ABAT: variants seen among roughly 807,000 people sequenced by gnomAD.
The protein encoded by ABAT is 4-aminobutyrate aminotransferase, mitochondrial.
ABAT carries 45 observed loss-of-function variants against 64.6 expected under a neutral mutation model. The observed-to-expected ratio is 0.70, with a 90% CI of 0.55 to 0.89. The LOEUF (loss-of-function observed/expected upper bound fraction) is 0.89, where lower values mean the gene tolerates loss of function less well. Ranked by LOEUF, ABAT falls within the 40% of genes least tolerant of loss-of-function variation. The pLI, the probability that ABAT is intolerant of heterozygous loss-of-function variation, is 0.00. For missense variants in ABAT, 633 were observed against 658.4 expected, an observed-to-expected ratio of 0.96 and a Z score of 0.42; for synonymous variants, 297 against 250.5, an observed-to-expected ratio of 1.19 and a Z score of -1.75.
At chr16:8,763,478 G>A (rs1157836481) in intron 6 of ABAT, among the ~76,000 whole-genome samples, 1 of 152,198 alleles carries the variant, frequency 6.6e-6, no homozygotes, top group East Asian at 1.9e-4. Flanking sequence ...CTGCCCTTAG[G>A]GTGTCCTATA....
intron 14 of ABAT, among the ~76,000 whole-genome samples, chr16:8,778,733 T>C (rs1248195594): frequency 6.7e-6 from 1 of 150,234 alleles, no homozygotes; most frequent in Non-Finnish European, 1.5e-5. Context: ...GCCGAGATAG[T>C]GCCACTGCAC....
chr16:8,765,321 G>T (rs2059912412), intron 8 of ABAT, among the ~76,000 whole-genome samples: 1 of 148,368 alleles, frequency 6.7e-6, no homozygotes, highest in South Asian at 2.2e-4. Context: ...GGGTGACAGA[G>T]TAAGACCCTG....
chr16:8,685,979 A>G (rs2057446371), intron 1 of ABAT, among the ~76,000 whole-genome samples: 1 of 152,228 alleles, frequency 6.6e-6, no homozygotes, highest in Non-Finnish European at 1.5e-5. Flanking sequence ...CTTTGAGCTC[A>G]GATTTCCTTA....
At chr16:8,743,760 T>C (rs1181126757) in intron 2 of ABAT, among the ~76,000 whole-genome samples, 1 of 150,370 alleles carries the variant, frequency 6.7e-6, no homozygotes, top group Non-Finnish European at 1.5e-5. Flanking sequence ...AAGATGAAAT[T>C]AGATTATTTA....
At chr16:8,697,868 C>A (rs1367483957) in intron 1 of ABAT, among the ~76,000 whole-genome samples, 1 of 152,154 alleles carries the variant, frequency 6.6e-6, no homozygotes, top group Non-Finnish European at 1.5e-5. Context: ...AACTCCTGAC[C>A]TCAAGTGATC....
intron 1 of ABAT, among the ~76,000 whole-genome samples, chr16:8,682,412 A>C (rs1015683347): frequency 6.6e-5 from 10 of 152,206 alleles, no homozygotes; most frequent in Non-Finnish European, 1.2e-4. Flanking sequence ...CTATTCTTCC[A>C]ACCAGAGTAG....
chr16:8,734,071 A>G (rs767358791), intron 1 of ABAT, among the ~76,000 whole-genome samples: 8 of 152,102 alleles, frequency 5.3e-5, no homozygotes, highest in Admixed American at 2.0e-4. Context: ...CCTCTTGGCT[A>G]TTGTGAATAA....
intron 6 of ABAT, among the ~76,000 whole-genome samples, chr16:8,763,541 A>G (rs759123119): frequency 1.3e-5 from 2 of 152,100 alleles, no homozygotes; most frequent in African/African-American, 2.4e-5. Context: ...GATTTTGCCC[A>G]AGACACTCTT....
chr16:8,684,286 G>C (rs1163169393), intron 1 of ABAT, among the ~76,000 whole-genome samples: 2 of 152,110 alleles, frequency 1.3e-5, no homozygotes, highest in African/African-American at 2.4e-5. Context: ...GAAAAAGGAA[G>C]GATAGACAGC....
intron 8 of ABAT, chr16:8,765,964 C>G (rs2059931708): frequency 2.2e-6 from 1 of 457,800 alleles, no homozygotes; most frequent in Non-Finnish European, 4.1e-6. Flanking sequence ...CTCAGCAGAT[C>G]TTAATCCAAC....
At chr16:8,715,049 C>T (rs2058174956) in intron 1 of ABAT, 1 of 152,252 alleles carries the variant, frequency 6.6e-6, no homozygotes, top group African/African-American at 2.4e-5. Flanking sequence ...TATACGCCCT[C>T]CTCTACCTGC....
intron 1 of ABAT, among the ~76,000 whole-genome samples, chr16:8,699,986 T>C (rs2057784130): frequency 6.6e-6 from 1 of 152,014 alleles, no homozygotes; most frequent in African/African-American, 2.4e-5. Flanking sequence ...TTTTTGTATT[T>C]TTTTTTGTAA....
chr16:8,776,652 C>T lies in ABAT; in HGVS notation c.1269+162C>T, dbSNP rs1291333227. Among the ~76,000 whole-genome samples the T allele has an allele frequency of 2.0e-5, 3 of 152,358 alleles. No homozygotes were observed. Among genetic ancestry groups the T allele is most frequent in the Non-Finnish European group, 4.4e-5 (3 of 68,032 alleles). On this transcript the variant is annotated intron_variant, in intron 14 of 15. Transcript: ENST00000268251. This position sits in a 1 kb window ranked among gnomAD's most constrained non-coding sequence, Gnocchi z 4.4. ...TTGGGGGCTTTGCACATGCTGTGTCCTCTGCAGGGGATGCCTCCCTATCCC... is the reference window on the plus strand; with the variant it reads ...TTGGGGGCTTTGCACATGCTGTGTCTTCTGCAGGGGATGCCTCCCTATCCC...
At chr16:8,780,810 C>A in intron 15 of ABAT, 2 of 177,990 alleles carry the variant, frequency 1.1e-5, no homozygotes, top group South Asian at 8.1e-5. Flanking sequence ...AAGGAAAGGA[C>A]ACCAGCTGTA....
rs528323630 is a variant in ABAT at position 8,736,504 on chromosome 16, G to A, written c.70+695G>A. 9.2e-4 allele frequency: 141 copies of A among 152,532 alleles called. 1 individual carries two copies. The Middle Eastern group carries it at 0.02, about 22-fold the overall frequency. 9.4% of individuals were successfully genotyped at this position (152,532 alleles called of 1,614,324 possible). ...GACCGCTGGGGAAAACACACATCTG[G>A]GATCGCTGCTAAGGAACAAAGAAAG... On this transcript the variant is annotated intron_variant, in intron 2 of 15. Transcript: ENST00000268251.
intron 1 of ABAT, among the ~76,000 whole-genome samples, chr16:8,727,571 CT>C (rs1395799233): frequency 6.6e-6 from 1 of 152,170 alleles, no homozygotes; most frequent in Non-Finnish European, 1.5e-5. Context: ...TCTGTTCTAT[CT>C]TATGCAGAAT....
At chr16:8,735,443 G>T (rs553855551) in intron 1 of ABAT, among the ~76,000 whole-genome samples, 49 of 152,184 alleles carry the variant, frequency 3.2e-4, no homozygotes, top group African/African-American at 1.1e-3. Context: ...GTGAAGATGG[G>T]ATCTTGCTAT....
chr16:8,775,338 G>C (rs531740136), intron 13 of ABAT, among the ~76,000 whole-genome samples: 2 of 152,306 alleles, frequency 1.3e-5, no homozygotes, highest in Admixed American at 1.3e-4. Flanking sequence ...CTGAGCATTT[G>C]CTATGTGCCT....
intron 1 of ABAT, among the ~76,000 whole-genome samples, chr16:8,690,195 G>A (rs1053147536): frequency 1.3e-5 from 2 of 152,202 alleles, no homozygotes; most frequent in African/African-American, 2.4e-5. Context: ...GGCAGCAGCA[G>A]CATCTGCCTG....
Sources: allele counts gnomAD v4.1 joint callset (sites outside exome capture counted in the v4.1 genomes callset), GRCh38; gene constraint gnomAD v4.1.1; non-coding constraint Gnocchi (gnomAD v3.1); transcripts MANE v1.5; gene names NCBI Gene and HGNC (gene_info 2026-07-23, HGNC 2026-07-21).